Variants in RGS7 observed in about 807,000 individuals in gnomAD.
RGS7 encodes the protein regulator of G-protein signaling 7.
RGS7 carries 27 observed loss-of-function variants against 81.1 expected under a neutral mutation model. That is an observed-to-expected ratio of 0.33 (90% CI 0.25 to 0.46). The LOEUF (loss-of-function observed/expected upper bound fraction) is 0.46. Ranked by LOEUF, RGS7 falls within the 20% of genes least tolerant of loss-of-function variation. RGS7 has a pLI of 1.00. For missense variants in RGS7, 396 were observed against 607.4 expected (o/e 0.65, Z 3.66); for synonymous variants, 208 against 207.7 (o/e 1.00, Z -0.01).
intron 2 of RGS7, among the ~76,000 whole-genome samples, chr1:241,207,021 T>G (rs1228003913): frequency 1.5e-5 from 2 of 130,434 alleles, no homozygotes; most frequent in East Asian, 5.1e-4. Context: ...CAGGCTGGAG[T>G]GCAGTGGTGC....
intron 2 of RGS7, among the ~76,000 whole-genome samples, chr1:241,299,282 C>T (rs554402798): frequency 8.5e-5 from 13 of 152,170 alleles, no homozygotes; most frequent in Admixed American, 2.0e-4. Flanking sequence ...CAGGAAGATC[C>T]GTGTTTCCAT....
chr1:241,327,016 A>G (rs1323124677), intron 2 of RGS7, among the ~76,000 whole-genome samples: 4 of 464 alleles, frequency 8.6e-3, no homozygotes, highest in Non-Finnish European at 0.029. Context: ...GGAAGGAAGG[A>G]AGGAAGGAAG....
chr1:240,820,471 G>T (rs1691569939), intron 10 of RGS7, among the ~76,000 whole-genome samples: 1 of 150,986 alleles, frequency 6.6e-6, no homozygotes, highest in Admixed American at 6.6e-5. Context: ...TTTTTTTTAG[G>T]CAGGGGGTGG....
rs535100628 is a variant in RGS7 at position 240,828,339 on chromosome 1, C to T, written c.610-1167G>A. ...AGGGGAAGGGAGAGAACATGAATCACGAAACAGAGAAGACAGGAGATTCAA... is the reference window on the plus strand; with the variant it reads ...AGGGGAAGGGAGAGAACATGAATCATGAAACAGAGAAGACAGGAGATTCAA... On this transcript the variant is annotated intron_variant, in intron 9 of 18. Transcript: ENST00000440928. 1.1e-4 allele frequency among the ~76,000 whole-genome samples: 16 copies of T among 152,146 alleles called. No homozygotes were observed. The East Asian group carries it at 2.3e-3, about 22-fold the overall frequency.
chr1:241,035,837 T>C (rs1043966230), intron 3 of RGS7, among the ~76,000 whole-genome samples: 1 of 152,214 alleles, frequency 6.6e-6, no homozygotes, highest in Admixed American at 6.5e-5. Flanking sequence ...GTAAGCTTTC[T>C]TCAAAATTCC....
intron 4 of RGS7, among the ~76,000 whole-genome samples, chr1:240,970,437 G>A (rs1410982295): frequency 1.3e-5 from 2 of 152,214 alleles, no homozygotes; most frequent in African/African-American, 2.4e-5. Context: ...ATTACAGAAT[G>A]CAGTATTTAA....
chr1:241,072,795 G>C (rs2062554636), intron 3 of RGS7, among the ~76,000 whole-genome samples: 1 of 152,174 alleles, frequency 6.6e-6, no homozygotes, highest in African/African-American at 2.4e-5. Flanking sequence ...AGGCAGGATG[G>C]AGAAAGGAGG....
intron 3 of RGS7, among the ~76,000 whole-genome samples, chr1:241,065,413 T>C (rs1290263294): frequency 1.3e-5 from 2 of 151,908 alleles, no homozygotes; most frequent in African/African-American, 4.8e-5. Flanking sequence ...CCAAATTTTA[T>C]AGAGTAGCTA....
chr1:241,306,034 T>C (rs527586026), intron 2 of RGS7, among the ~76,000 whole-genome samples: 13 of 152,248 alleles, frequency 8.5e-5, no homozygotes, highest in Admixed American at 6.5e-4. Context: ...GGCTGAAGCA[T>C]GGAATTCACA....
At chr1:241,167,098 G>A (rs1486119893) in intron 2 of RGS7, among the ~76,000 whole-genome samples, 1 of 152,134 alleles carries the variant, frequency 6.6e-6, no homozygotes, top group South Asian at 2.1e-4. Context: ...TAGTTTGTCA[G>A]TCACCAAAAT....
intron 2 of RGS7, among the ~76,000 whole-genome samples, chr1:241,178,439 A>C (rs2071340546): frequency 6.6e-6 from 1 of 152,212 alleles, no homozygotes. Context: ...TCACTCAGGG[A>C]GAGATTAAAC....
intron 2 of RGS7, among the ~76,000 whole-genome samples, chr1:241,273,333 G>A (rs554219021): frequency 6.6e-6 from 1 of 152,064 alleles, no homozygotes; most frequent in South Asian, 2.1e-4. Flanking sequence ...AGCAAGATTG[G>A]GTATCTGCAC....
intron 3 of RGS7, among the ~76,000 whole-genome samples, chr1:241,012,152 T>C (rs181859421): frequency 1.5e-3 from 231 of 152,236 alleles, no homozygotes; most frequent in Admixed American, 2.3e-3. Flanking sequence ...ACATTGACTA[T>C]ACCCAGAGAA....
intron 2 of RGS7, among the ~76,000 whole-genome samples, chr1:241,322,474 C>G (rs2081268909): frequency 6.6e-6 from 1 of 152,192 alleles, no homozygotes; most frequent in Non-Finnish European, 1.5e-5. Flanking sequence ...CTAATAGCAG[C>G]TTATCTGCCA....
At chr1:241,112,151 A>G (rs57907333) in intron 2 of RGS7, among the ~76,000 whole-genome samples, 21,428 of 152,182 alleles carry the variant, frequency 0.14, 1,873 homozygotes, top group African/African-American at 0.24. Context: ...GCTTCCACTG[A>G]GATGAAACAT....
intron 4 of RGS7, among the ~76,000 whole-genome samples, chr1:240,973,741 C>T (rs1012128628): frequency 6.6e-6 from 1 of 151,868 alleles, no homozygotes; most frequent in African/African-American, 2.4e-5. Context: ...AGGGGCCCAC[C>T]ACCGCGCCCG....
chr1:241,066,954 GC>G (rs2148852882), intron 3 of RGS7, among the ~76,000 whole-genome samples: 1 of 152,290 alleles, frequency 6.6e-6, no homozygotes, highest in South Asian at 2.1e-4. Flanking sequence ...TTCCCTCTGG[GC>G]CTGAAATACA....
At chr1:240,873,074 G>A (rs778287407) in intron 6 of RGS7, among the ~76,000 whole-genome samples, 17 of 150,750 alleles carry the variant, frequency 1.1e-4, no homozygotes, top group Non-Finnish European at 8.8e-5. Flanking sequence ...GCAAGACTCC[G>A]TCTAAAAAAA....
At chr1:241,064,526 C>T (rs1174135095) in intron 3 of RGS7, among the ~76,000 whole-genome samples, 1 of 151,872 alleles carries the variant, frequency 6.6e-6, no homozygotes, top group Non-Finnish European at 1.5e-5. Context: ...GAGGTCAAGG[C>T]TGTAGTGGTT....
Sources: gnomAD v4.1 joint callset for allele counts (sites outside exome capture counted in the v4.1 genomes callset) on GRCh38, gnomAD v4.1.1 for gene constraint, MANE v1.5 for transcripts, NCBI Gene and HGNC (gene_info 2026-07-23, HGNC 2026-07-21) for gene names.